AP3B1: variants seen among roughly 807,000 people sequenced by gnomAD.
AP3B1 encodes adaptor related protein complex 3 subunit beta 1, also known as AP-3 complex subunit beta-1.
Under a neutral mutation model 132.5 loss-of-function variants are expected in AP3B1, and 61 were observed. The observed-to-expected ratio is 0.46, with a 90% CI of 0.37 to 0.57. The LOEUF (loss-of-function observed/expected upper bound fraction) is 0.57. Ranked by LOEUF, AP3B1 falls within the 20% of genes least tolerant of loss-of-function variation. AP3B1 has a pLI of 0.00. For missense variants in AP3B1, 1,120 were observed against 1,289.4 expected (o/e 0.87, Z 2.01); for synonymous variants, 388 against 438.3 (o/e 0.89, Z 1.43).
chr5:78,096,616 C>T (rs1160236864), intron 21 of AP3B1, among the ~76,000 whole-genome samples: 1 of 150,212 alleles, frequency 6.7e-6, no homozygotes, highest in Non-Finnish European at 1.5e-5. Context: ...AGCGCCTTTG[C>T]CCCGCCGCCC....
intron 22 of AP3B1, among the ~76,000 whole-genome samples, chr5:78,069,277 T>TA (rs767305966): frequency 2.6e-5 from 4 of 152,078 alleles, no homozygotes; most frequent in African/African-American, 9.7e-5. Context: ...GAGAAAGAAA[T>TA]AGAGTATTCA....
At chr5:78,216,488 C>T (rs1362738342) in intron 6 of AP3B1, among the ~76,000 whole-genome samples, 2 of 152,032 alleles carry the variant, frequency 1.3e-5, no homozygotes, top group Non-Finnish European at 2.9e-5. Flanking sequence ...TTTATTTCAC[C>T]AGGTTAAATT....
intron 15 of AP3B1, among the ~76,000 whole-genome samples, chr5:78,136,535 C>T (rs574442578): frequency 3.3e-5 from 5 of 152,234 alleles, no homozygotes; most frequent in South Asian, 4.1e-4. Context: ...ATGTGTTATG[C>T]GCCATATTCA....
chr5:78,172,719 T>G (rs750904008), intron 11 of AP3B1, among the ~76,000 whole-genome samples: 14 of 152,124 alleles, frequency 9.2e-5, no homozygotes, highest in South Asian at 2.1e-4. Flanking sequence ...GGGTTTTTCG[T>G]TATTGGGTAT....
intron 7 of AP3B1, among the ~76,000 whole-genome samples, chr5:78,191,039 T>C (rs932629127): frequency 1.3e-5 from 2 of 152,194 alleles, no homozygotes; most frequent in Non-Finnish European, 2.9e-5. Flanking sequence ...CTTCAATCAA[T>C]GCTAGTTATG....
At chr5:78,266,097 T>G (rs1307594087) in intron 2 of AP3B1, among the ~76,000 whole-genome samples, 1 of 141,162 alleles carries the variant, frequency 7.1e-6, no homozygotes, top group Admixed American at 6.9e-5. Flanking sequence ...GATACATGTT[T>G]GTAATTTACA....
chr5:78,178,209 TA>T (rs763127986), intron 8 of AP3B1, among the ~76,000 whole-genome samples: 23 of 152,176 alleles, frequency 1.5e-4, no homozygotes, highest in Non-Finnish European at 2.9e-4. Context: ...TCAGCACATT[TA>T]AGTTACAATT....
intron 22 of AP3B1, among the ~76,000 whole-genome samples, chr5:78,051,969 A>G (rs919729933): frequency 6.6e-6 from 1 of 151,336 alleles, no homozygotes. Context: ...TTTACCTTCA[A>G]TCCATTTCAT....
intron 24 of AP3B1, among the ~76,000 whole-genome samples, chr5:78,030,845 C>A (rs1191846263): frequency 6.6e-6 from 1 of 151,966 alleles, no homozygotes; most frequent in African/African-American, 2.4e-5. Context: ...CCTGGCTAAC[C>A]CTTTTTGATT....
In AP3B1 at chr5:78,156,237, C is replaced by T. The variant is rs775436144; in HGVS notation, c.1473+21G>A. 3 of 1,532,870 alleles carry T rather than the reference C, an allele frequency of 2.0e-6. No homozygotes were observed. In the East Asian group the frequency reaches 6.8e-5, roughly 35 times the overall value. The allele number at this position is 1,532,870 out of a possible 1,614,324, so 95.0% of individuals were successfully genotyped here. A position where few individuals can be genotyped will look rare whatever the true frequency, so the allele number is the denominator to read the frequency against. On this transcript the variant is annotated intron_variant, in intron 14 of 26. Transcript: ENST00000255194. ...AACTTACTGAATAAAATTCAGCAAA[C>T]ATCTCTTAATTGATACTCACAGTGA...
At chr5:78,055,823 TA>T (rs1338933052) in intron 22 of AP3B1, among the ~76,000 whole-genome samples, 1 of 152,150 alleles carries the variant, frequency 6.6e-6, no homozygotes, top group African/African-American at 2.4e-5. Context: ...AACAAATCCA[TA>T]AACTGAGATT....
chr5:78,040,335 AATT>A (rs1432003154), intron 22 of AP3B1, among the ~76,000 whole-genome samples: 4 of 152,168 alleles, frequency 2.6e-5, no homozygotes, highest in Non-Finnish European at 1.5e-5. Context: ...CAAAAATTCT[AATT>A]ATTTATGTAC....
chr5:78,265,120 T>A (rs1306840835), intron 2 of AP3B1, among the ~76,000 whole-genome samples: 1 of 152,158 alleles, frequency 6.6e-6, no homozygotes, highest in African/African-American at 2.4e-5. Flanking sequence ...TAGTATACTA[T>A]AACTTAAAAC....
At chr5:78,056,250 T>A (rs560503437) in intron 22 of AP3B1, among the ~76,000 whole-genome samples, 4 of 152,304 alleles carry the variant, frequency 2.6e-5, no homozygotes, top group African/African-American at 7.2e-5. Context: ...TATTAAATGG[T>A]GAGACCTTAG....
intron 23 of AP3B1, among the ~76,000 whole-genome samples, 174 bp from the exon 24 acceptor site, chr5:78,034,619 CT>C (rs1218525019): frequency 6.6e-6 from 1 of 151,928 alleles, no homozygotes; most frequent in African/African-American, 2.4e-5. Context: ...CCTAACTATT[CT>C]GTTTCAAGGT....
At chr5:78,257,994 T>C (rs1011096424) in intron 2 of AP3B1, among the ~76,000 whole-genome samples, 8 of 152,210 alleles carry the variant, frequency 5.3e-5, no homozygotes, top group African/African-American at 1.9e-4. Flanking sequence ...TCTCTCAGCA[T>C]ATACAAATAT....
At chr5:78,104,351 C>A (rs1751248679) in intron 20 of AP3B1, among the ~76,000 whole-genome samples, 1 of 152,108 alleles carries the variant, frequency 6.6e-6, no homozygotes, top group South Asian at 2.1e-4. Context: ...TAAAACAGAT[C>A]TTTTCCTATT....
chr5:78,177,138 A>T (rs75153898), intron 9 of AP3B1, among the ~76,000 whole-genome samples: 1 of 152,206 alleles, frequency 6.6e-6, no homozygotes, highest in East Asian at 1.9e-4. Flanking sequence ...GCTTGAGGTT[A>T]AAAAGTTTCA....
In AP3B1 at chr5:78,128,130, G is replaced by A. The variant is rs755372821; in HGVS notation, c.1868C>T (p.Ser623Phe). The change falls in exon 17 of 27, where the codon TCT becomes TTT. Residue 623 changes from serine to phenylalanine, a missense_variant. Ser to Phe is a radical substitution (Grantham distance 155). Around this residue, in one of 3 missense-constraint regions of AP3B1, gnomAD observed 906 missense variants for 997.1 expected, o/e 0.91. Transcript: ENST00000255194. Reference sequence around the variant, plus strand: ...AGTAGCTTTAATGTTGAGAGTATGAGATAAGGTGCCAAGCTGGAAATGATC... The same window carrying A: ...AGTAGCTTTAATGTTGAGAGTATGAAATAAGGTGCCAAGCTGGAAATGATC... Reference protein sequence around the residue: ...DRDHFQLGTLSHTLNIKATGY... With the variant: ...DRDHFQLGTLFHTLNIKATGY... 1.9e-6 allele frequency: 3 copies of A among 1,611,342 alleles called. No homozygotes were observed. The highest frequency in any genetic ancestry group is 2.5e-6 in the Non-Finnish European group (3 of 1,177,760).
Sources: gnomAD v4.1 joint callset for allele counts (sites outside exome capture counted in the v4.1 genomes callset) on GRCh38, gnomAD v4.1.1 for gene constraint, gnomAD v4.1.1 regional missense constraint, MANE v1.5 for transcripts, NCBI Gene and HGNC (gene_info 2026-07-23, HGNC 2026-07-21) for gene names.